The following GUCY1A2 variants were observed in gnomAD, a reference collection of about 807,000 sequenced individuals.
GUCY1A2 encodes guanylate cyclase 1 soluble subunit alpha 2.
In GUCY1A2, 27 loss-of-function variants were observed where a neutral mutation model predicts 63.5. That is an observed-to-expected ratio of 0.43 (90% CI 0.31 to 0.59). GUCY1A2 has a LOEUF of 0.59. Among genes scored for constraint, GUCY1A2 ranks in the 20% least tolerant of loss-of-function variants. The pLI, the probability that GUCY1A2 is intolerant of heterozygous loss-of-function variation, is 0.11. For synonymous variants in GUCY1A2, 364 were observed against 343.5 expected (o/e 1.06, Z -0.66); for missense variants, 768 against 913.3 (o/e 0.84, Z 2.05).
intron 1 of GUCY1A2, among the ~76,000 whole-genome samples, chr11:106,991,358 T>C (rs543596194): frequency 2.0e-5 from 3 of 152,258 alleles, no homozygotes; most frequent in Non-Finnish European, 4.4e-5. Context: ...CTAAACAATG[T>C]AGGTATATAT....
chr11:106,847,309 T>C (rs1240979901), intron 4 of GUCY1A2, among the ~76,000 whole-genome samples: 1 of 150,466 alleles, frequency 6.6e-6, no homozygotes, highest in Non-Finnish European at 1.5e-5. Flanking sequence ...TATACTCACA[T>C]ATATATTTAT....
intron 6 of GUCY1A2, among the ~76,000 whole-genome samples, chr11:106,758,508 C>G (rs527270234): frequency 1.3e-5 from 2 of 152,266 alleles, no homozygotes; most frequent in East Asian, 1.9e-4. Context: ...TAGGCTGCAC[C>G]CACTGTCCAA....
chr11:106,732,540 G>T (rs757238944), intron 6 of GUCY1A2, among the ~76,000 whole-genome samples: 1 of 152,044 alleles, frequency 6.6e-6, no homozygotes, highest in Non-Finnish European at 1.5e-5. Context: ...AAAGATTATT[G>T]TTGCCTTTCC....
At chr11:106,733,673 C>A (rs1326477087) in intron 6 of GUCY1A2, among the ~76,000 whole-genome samples, 1 of 151,568 alleles carries the variant, frequency 6.6e-6, no homozygotes, top group East Asian at 1.9e-4. Flanking sequence ...AAGTACTGAG[C>A]GAGCTGACCG....
At chr11:106,709,269 T>TAA (rs71041683) in intron 6 of GUCY1A2, among the ~76,000 whole-genome samples, 2 of 90,858 alleles carry the variant, frequency 2.2e-5, no homozygotes, top group South Asian at 3.4e-4. Flanking sequence ...ATAAATATAT[T>TAA]TATATATATA....
chr11:106,818,653 A>G (rs941446143), intron 4 of GUCY1A2, among the ~76,000 whole-genome samples: 4 of 152,194 alleles, frequency 2.6e-5, no homozygotes. Flanking sequence ...AGGCATGTCG[A>G]AAGCTGAGAT....
At chr11:106,845,521 G>A (rs2135446880) in intron 4 of GUCY1A2, among the ~76,000 whole-genome samples, 1 of 151,618 alleles carries the variant, frequency 6.6e-6, no homozygotes, top group South Asian at 2.1e-4. Flanking sequence ...CTTCCATATT[G>A]GAAGAAGTTA....
chr11:106,732,198 A>G (rs1373662465), intron 6 of GUCY1A2, among the ~76,000 whole-genome samples: 3 of 152,178 alleles, frequency 2.0e-5, no homozygotes, highest in Admixed American at 1.3e-4. Flanking sequence ...AATGGAACAG[A>G]TAAGAGAGCC....
intron 7 of GUCY1A2, among the ~76,000 whole-genome samples, chr11:106,707,563 C>A (rs1221335048): frequency 1.3e-5 from 2 of 151,874 alleles, no homozygotes; most frequent in Admixed American, 6.6e-5. Flanking sequence ...CTTTTCTTTG[C>A]TGTTAATTTT....
At chr11:106,878,798 AAAG>A (rs1260248836) in intron 4 of GUCY1A2, among the ~76,000 whole-genome samples, 399 of 151,402 alleles carry the variant, frequency 2.6e-3, no homozygotes, top group Non-Finnish European at 4.2e-3. Flanking sequence ...AAAAAAAAAA[AAAG>A]AAGAAGTTGG....
chr11:106,911,278 C>A (rs760174384), intron 4 of GUCY1A2, among the ~76,000 whole-genome samples: 2 of 151,880 alleles, frequency 1.3e-5, no homozygotes, highest in African/African-American at 4.8e-5. Context: ...GAAAACTGAG[C>A]CCAAAGTAAG....
Position 106,687,682 on chromosome 11 carries a change from T to C in GUCY1A2, c.2066A>G (p.Glu689Gly), listed in dbSNP as rs1862551830. The C allele has an allele frequency of 6.2e-7, 1 of 1,613,550 alleles. No individual in the cohort carries two copies. The highest frequency in any genetic ancestry group is 1.3e-5 in the African/African-American group (1 of 74,908). The change falls in exon 8 of 8, where the codon GAA (glutamate) becomes GGA (glycine). Residue 689 changes from glutamate to glycine, a missense_variant. By Grantham distance (98) the Glu-to-Gly change is moderately conservative (BLOSUM62 -2). Transcript: ENST00000526355. ...REELPDNFPK[E>G]IPGICYFLEV... ...CAGGAAATAGCAGATCCCAGGAATT[T>C]CCTTTGGAAAGTTGTCTGGAAGCTC...
chr11:106,892,325 T>C (rs2135478858), intron 4 of GUCY1A2, among the ~76,000 whole-genome samples: 1 of 152,276 alleles, frequency 6.6e-6, no homozygotes, highest in Non-Finnish European at 1.5e-5. Flanking sequence ...TCTCTCATTT[T>C]CAGATCTTTC....
chr11:106,919,738 AG>A (rs1860416997), intron 4 of GUCY1A2, among the ~76,000 whole-genome samples: 1 of 152,148 alleles, frequency 6.6e-6, no homozygotes, highest in African/African-American at 2.4e-5. Flanking sequence ...AGTAGAAAAA[AG>A]GTTTACATAT....
rs58620383 is a variant in GUCY1A2 at position 106,890,689 on chromosome 11, C to G, written c.1206+48771G>C. 4.4e-3 allele frequency among the ~76,000 whole-genome samples: 663 copies of G among 152,198 alleles called. 4 individuals are homozygous for G. Among genetic ancestry groups the G allele is most frequent in the African/African-American group, 0.015 (614 of 41,538 alleles). On this transcript the variant is annotated intron_variant, in intron 4 of 7. Coordinates refer to ENST00000526355, the MANE Select transcript of GUCY1A2 (RefSeq NM_000855.3). ...TTTCATCTAGTTGATTACACACAAC[C>G]ACCTCGGATATAACTGCAATCTTCA...
intron 4 of GUCY1A2, among the ~76,000 whole-genome samples, chr11:106,821,618 C>G (rs1858904200): frequency 6.6e-6 from 1 of 152,102 alleles, no homozygotes; most frequent in Non-Finnish European, 1.5e-5. Context: ...GAAAATTCTA[C>G]ACTTTTTTCA....
rs141539242 is a variant in GUCY1A2 at position 106,894,966 on chromosome 11, G to A, written c.1206+44494C>T. Among the ~76,000 whole-genome samples the A allele has an allele frequency of 1.8e-3, 272 of 152,190 alleles. 1 individual carries two copies. The highest frequency in any genetic ancestry group is 0.012 in the South Asian group (58 of 4,826). ...AGAGAAAAGTCAATGAAAACAAAACGTGGTTCTTTGAAAAGGTTAATAAAA... is the reference window on the plus strand; with the variant it reads ...AGAGAAAAGTCAATGAAAACAAAACATGGTTCTTTGAAAAGGTTAATAAAA... On this transcript the variant is annotated intron_variant, in intron 4 of 7. Coordinates refer to ENST00000526355, the MANE Select transcript of GUCY1A2 (RefSeq NM_000855.3).
At chr11:106,760,118 G>A (rs770749028) in intron 6 of GUCY1A2, among the ~76,000 whole-genome samples, 3 of 152,106 alleles carry the variant, frequency 2.0e-5, no homozygotes, top group Non-Finnish European at 2.9e-5. Flanking sequence ...CGGCCAACAC[G>A]TTGATCTCGG....
At chr11:106,693,130 T>A (rs1474523897) in intron 7 of GUCY1A2, among the ~76,000 whole-genome samples, 1 of 152,180 alleles carries the variant, frequency 6.6e-6, no homozygotes, top group East Asian at 1.9e-4. Context: ...CACCAAGCGA[T>A]ACTTGAAGGG....
Sources: allele counts gnomAD v4.1 joint callset (sites outside exome capture counted in the v4.1 genomes callset), GRCh38; gene constraint gnomAD v4.1.1; transcripts MANE v1.5; gene names NCBI Gene and HGNC (gene_info 2026-07-23, HGNC 2026-07-21).